RASGRF1: variants seen among roughly 807,000 people sequenced by gnomAD.
The protein encoded by RASGRF1 is Ras protein specific guanine nucleotide releasing factor 1.
Under a neutral mutation model 138.7 loss-of-function variants are expected in RASGRF1, and 40 were observed. The ratio of observed to expected loss-of-function variants is 0.29; its 90% CI spans 0.22 to 0.38. The LOEUF is 0.38. Among genes scored for constraint, RASGRF1 ranks in the 10% least tolerant of loss-of-function variants. The probability of loss-of-function intolerance (pLI) is 1.00; values close to 1 mark genes in which losing one functional copy is unlikely to be tolerated. For missense variants in RASGRF1, 1,108 were observed against 1,650.4 expected (o/e 0.67, Z 5.69); for synonymous variants, 614 against 663.2 (o/e 0.93, Z 1.14).
At chr15:79,045,097 A>T (rs927549986) in intron 5 of RASGRF1, among the ~76,000 whole-genome samples, 29 of 152,222 alleles carry the variant, frequency 1.9e-4, no homozygotes, top group African/African-American at 7.0e-4. Context: ...CCTGAAGTAA[A>T]CCTCAAATAA....
intron 19 of RASGRF1, 181 bp downstream of exon 19, chr15:78,997,915 G>A: frequency 1.7e-6 from 1 of 595,324 alleles, no homozygotes; most frequent in East Asian, 2.8e-5. Flanking sequence ...AGGACAAATA[G>A]ACTACCCAGC....
In RASGRF1 at chr15:79,090,425, C is replaced by T. The variant is rs377356891; in HGVS notation, c.74G>A (p.Arg25His). The T allele has an allele frequency of 8.7e-6, 14 of 1,613,152 alleles. No individual in the cohort carries two copies. In the African/African-American group the frequency reaches 1.6e-4, roughly 18 times the overall value. ...ACTCCGCTTGCTCAGGTAGCCTTTG[C>T]GCGTGCCGTCCTTGCGCGCCAGCAG... ...LGLLARKDGT[R>H]KGYLSKRSSD... The change falls in exon 1 of 27, where the codon CGC becomes CAC. Residue 25 changes from arginine (R) to histidine (H), a missense_variant. Around this residue, in one of 3 missense-constraint regions of RASGRF1, gnomAD observed 253 missense variants for 329.5 expected, o/e 0.77. Coordinates refer to ENST00000558480, the MANE Select transcript of RASGRF1 (RefSeq NM_001145648.3).
chr15:78,996,438 G>T (rs1367564792), intron 19 of RASGRF1, among the ~76,000 whole-genome samples: 1 of 152,188 alleles, frequency 6.6e-6, no homozygotes, highest in Non-Finnish European at 1.5e-5. Context: ...GGGTCTGCAG[G>T]CCTGCCGGGG....
intron 18 of RASGRF1, 34 bp from the exon 19 acceptor site, chr15:78,998,242 CT>C (rs747530484): frequency 1.3e-6 from 2 of 1,563,442 alleles, no homozygotes; most frequent in Non-Finnish European, 1.8e-6. Flanking sequence ...GCTCTGGTTA[CT>C]GTTTTTGAGC....
chr15:79,047,940 C>T (rs1316244644), intron 4 of RASGRF1, among the ~76,000 whole-genome samples: 6 of 151,340 alleles, frequency 4.0e-5, no homozygotes, highest in Non-Finnish European at 5.9e-5. Flanking sequence ...AGATGGGTGC[C>T]GTAGACAGAA....
At chr15:78,991,310 A>G (rs2056261974) in intron 21 of RASGRF1, among the ~76,000 whole-genome samples, 1 of 152,230 alleles carries the variant, frequency 6.6e-6, no homozygotes, top group African/African-American at 2.4e-5. Flanking sequence ...TTCAAAGTCC[A>G]CGCCTGTCCC....
chr15:79,055,184 T>A (rs574105025), intron 3 of RASGRF1, among the ~76,000 whole-genome samples: 26 of 152,260 alleles, frequency 1.7e-4, no homozygotes, highest in African/African-American at 6.3e-4. Flanking sequence ...TCCTGCTGGC[T>A]CCAATAGTCT....
chr15:78,968,446 T>G (rs758000756), intron 26 of RASGRF1, among the ~76,000 whole-genome samples: 52 of 151,972 alleles, frequency 3.4e-4, no homozygotes, highest in Non-Finnish European at 6.5e-4. Flanking sequence ...TAATTATTAT[T>G]ATGATTTTTG....
At chr15:79,055,709 C>T (rs556689110) in intron 3 of RASGRF1, among the ~76,000 whole-genome samples, 15 of 152,284 alleles carry the variant, frequency 9.9e-5, no homozygotes, top group East Asian at 9.6e-4. Flanking sequence ...TTTAAGGCCA[C>T]GTGCAACATA....
chr15:79,001,512 G>A, intron 16 of RASGRF1, 150 bp downstream of exon 16: 2 of 1,021,468 alleles, frequency 2.0e-6, no homozygotes, highest in South Asian at 2.3e-5. Context: ...GGGTGGTGGT[G>A]GGTGGGTTAT....
intron 1 of RASGRF1, among the ~76,000 whole-genome samples, chr15:79,076,404 T>C (rs1030834862): frequency 6.6e-6 from 1 of 152,108 alleles, no homozygotes; most frequent in East Asian, 1.9e-4. Flanking sequence ...GTGGTTGTTG[T>C]CATACTAGAA....
intron 10 of RASGRF1, among the ~76,000 whole-genome samples, chr15:79,024,077 ACAC>A (rs2057009209): frequency 6.6e-6 from 1 of 151,466 alleles, no homozygotes; most frequent in African/African-American, 2.4e-5. Context: ...ACACATATAC[ACAC>A]CACACATACA....
intron 24 of RASGRF1, chr15:78,979,365 T>C (rs13379704): frequency 0.17 from 58,398 of 345,092 alleles, 5,906 homozygotes; most frequent in African/African-American, 0.34. Context: ...CTGGAGGTTT[T>C]GGCTGGCCCC....
chr15:79,033,641 G>A (rs2057176534), intron 6 of RASGRF1, among the ~76,000 whole-genome samples: 1 of 141,912 alleles, frequency 7.0e-6, no homozygotes, highest in African/African-American at 2.6e-5. Context: ...CTGGAGTGGA[G>A]TGCAGTAGTG....
intron 1 of RASGRF1, among the ~76,000 whole-genome samples, chr15:79,088,922 A>G (rs2058016905): frequency 6.6e-6 from 1 of 152,176 alleles, no homozygotes. Flanking sequence ...TCCTGTCCAC[A>G]CTTCCCAGTC....
chr15:79,059,736 T>A (rs1220782226), intron 2 of RASGRF1, among the ~76,000 whole-genome samples: 7 of 152,092 alleles, frequency 4.6e-5, no homozygotes, highest in Non-Finnish European at 8.8e-5. Context: ...TACCTTGCTG[T>A]ATATAAACAC....
At chr15:79,022,760 A>G (rs1346895575) in intron 10 of RASGRF1, among the ~76,000 whole-genome samples, 1 of 152,242 alleles carries the variant, frequency 6.6e-6, no homozygotes, top group Non-Finnish European at 1.5e-5. Context: ...ATTTGTGGCC[A>G]TGTGAACATA....
intron 23 of RASGRF1, among the ~76,000 whole-genome samples, chr15:78,983,622 G>T (rs991211979): frequency 6.6e-6 from 1 of 152,232 alleles, no homozygotes; most frequent in African/African-American, 2.4e-5. Flanking sequence ...GATTTACTTG[G>T]AATGGGCCCC....
chr15:79,037,053 T>A (rs760106717), intron 5 of RASGRF1, among the ~76,000 whole-genome samples: 2 of 152,104 alleles, frequency 1.3e-5, no homozygotes, highest in Non-Finnish European at 2.9e-5. Flanking sequence ...TATAGCAACT[T>A]CTTATGACCC....
Sources: allele counts gnomAD v4.1 joint callset (sites outside exome capture counted in the v4.1 genomes callset), GRCh38; gene constraint gnomAD v4.1.1; regional missense constraint gnomAD v4.1.1; transcripts MANE v1.5; gene names NCBI Gene and HGNC (gene_info 2026-07-23, HGNC 2026-07-21).